The following SLC6A7 variants were observed in gnomAD, a reference collection of about 807,000 sequenced individuals.
The protein encoded by SLC6A7 is solute carrier family 6 member 7.
In SLC6A7, 58 loss-of-function variants were observed where a neutral mutation model predicts 73.1. That is an observed-to-expected ratio of 0.79 (90% confidence interval 0.64 to 0.99). The LOEUF (loss-of-function observed/expected upper bound fraction) is 0.99. Among genes scored for constraint, SLC6A7 ranks in the 50% least tolerant of loss-of-function variants. SLC6A7 has a pLI of 0.00. For missense variants in SLC6A7, 783 were observed against 831.4 expected (o/e 0.94, Z 0.72); for synonymous variants, 338 against 338.7 (o/e 1.00, Z 0.02).
Position 150,194,852 on chromosome 5 carries a change from A to G in SLC6A7, c.158A>G (p.Tyr53Cys). The change falls in exon 2 of 14, where the codon TAC (tyrosine) becomes TGC (cysteine). Residue 53 changes from tyrosine to cysteine, a missense_variant. Physicochemically the swap from Tyr to Cys is radical, Grantham distance 194. Transcript: ENST00000230671. Reference protein sequence around the residue: ...KLDFLLSCIGYCVGLGNVWRF... With the variant: ...KLDFLLSCIGCCVGLGNVWRF... The stretch of plus-strand genomic sequence containing the variant: ...GACTTCCTGCTGTCCTGCATTGGCT[A>G]CTGTGTAGGCCTGGGGAATGTCTGG... 1.2e-6 allele frequency: 2 copies of G among 1,614,148 alleles called. No individual in the cohort carries two copies. Among genetic ancestry groups the G allele is most frequent in the Non-Finnish European group, 1.7e-6 (2 of 1,180,006 alleles).
intron 13 of SLC6A7, among the ~76,000 whole-genome samples, chr5:150,207,464 ACTC>A (rs1380381961): frequency 6.6e-6 from 1 of 151,956 alleles, no homozygotes; most frequent in Non-Finnish European, 1.5e-5. Context: ...CTGGTCTTAA[ACTC>A]CTGGCCTCAA....
rs779129033 is a variant in SLC6A7, at chr5:150,209,590, C to A, written c.1886C>A (p.Ala629Glu). Residue 629 changes from alanine (A) to glutamate (E), a missense_variant, in exon 14 of 14, where the codon GCA becomes GAA. Ala to Glu is a moderately radical substitution (Grantham distance 107). Coordinates refer to ENST00000230671, the MANE Select transcript of SLC6A7 (RefSeq NM_014228.5). ...NTAIEVDREI[A>E]EEEESMM ...GCCATCGAGGTGGACCGTGAGATTG[C>A]AGAGGAGGAGGAGTCGATGATGTGA... 36 of 1,610,514 alleles carry A rather than the reference C, an allele frequency of 2.2e-5. No individual in the cohort carries two copies. The South Asian group carries it at 4.0e-4, about 18-fold the overall frequency.
At chr5:150,198,865 G>GT in intron 4 of SLC6A7, among the ~76,000 whole-genome samples, 1 of 105,706 alleles carries the variant, frequency 9.5e-6, no homozygotes, top group Admixed American at 9.2e-5. Flanking sequence ...TGTGTGTGTG[G>GT]TGTACACATG....
rs1562100329 is a variant in SLC6A7 at position 150,205,486 on chromosome 5, CAGCCCTCGG to C, written c.1567_1575del (p.Pro523_Glu525del). On this transcript the variant is annotated inframe_deletion, in exon 13 of 14. Transcript: ENST00000230671. ...CATGGTGTATAGCATCGTCAAGTAC[CAGCCCTCGG>C]AGTATGGCAGTTACCGCTTCCCGCC... The C allele has an allele frequency of 6.2e-7, 1 of 1,611,582 alleles. No individual in the cohort carries two copies. The highest frequency in any genetic ancestry group is 2.2e-5 in the East Asian group (1 of 44,858).
intron 13 of SLC6A7, among the ~76,000 whole-genome samples, chr5:150,207,774 C>A (rs1438290188): frequency 6.6e-6 from 1 of 152,112 alleles, no homozygotes; most frequent in Non-Finnish European, 1.5e-5. Context: ...AGTACTAATA[C>A]CCCTCTCATT....
intron 1 of SLC6A7, among the ~76,000 whole-genome samples, chr5:150,193,550 C>G (rs1251129384): frequency 1.3e-5 from 2 of 152,124 alleles, no homozygotes; most frequent in Non-Finnish European, 2.9e-5. Context: ...TGGCTTGTGA[C>G]TGAAAAGTAC....
chr5:150,190,721 G>A (rs988893685), intron 1 of SLC6A7, among the ~76,000 whole-genome samples: 2 of 152,200 alleles, frequency 1.3e-5, no homozygotes, highest in South Asian at 2.1e-4. Context: ...CCGGGTGTGG[G>A]GGGTATTGGA....
intron 4 of SLC6A7, among the ~76,000 whole-genome samples, chr5:150,198,027 A>T (rs1350345408): frequency 1.3e-5 from 2 of 150,962 alleles, no homozygotes; most frequent in Non-Finnish European, 2.9e-5. Flanking sequence ...TTGTCACTGC[A>T]TTCTGCCTTT....
At chr5:150,199,752 G>A (rs114557409) in intron 5 of SLC6A7, among the ~76,000 whole-genome samples, 4,074 of 152,248 alleles carry the variant, frequency 0.027, 208 homozygotes, top group African/African-American at 0.092. Context: ...AGTCCAGAGG[G>A]TGTGCTTCAG....
intron 13 of SLC6A7, among the ~76,000 whole-genome samples, chr5:150,206,867 A>T (rs1753726830): frequency 6.6e-6 from 1 of 152,166 alleles, no homozygotes; most frequent in Non-Finnish European, 1.5e-5. Flanking sequence ...AGCCACTAGG[A>T]GTGCTGGGCT....
At chr5:150,205,074 C>G in intron 12 of SLC6A7, 147 bp downstream of exon 12, 1 of 609,590 alleles carries the variant, frequency 1.6e-6, no homozygotes, top group Non-Finnish European at 2.9e-6. Context: ...ATCCCCTCCC[C>G]TGATGTTCCC....
intron 13 of SLC6A7, among the ~76,000 whole-genome samples, chr5:150,208,182 G>T (rs1460840859): frequency 1.3e-5 from 2 of 151,918 alleles, no homozygotes; most frequent in Non-Finnish European, 2.9e-5. Context: ...ATATGTAAAG[G>T]TAAGTTCTGC....
chr5:150,196,983 C>A lies in SLC6A7; in HGVS notation c.350-59C>A, dbSNP rs1021735191. The stretch of plus-strand genomic sequence containing the variant: ...ATAGCTGCCAGCTCCCCAGAAGCCA[C>A]TCCACCCGGCTGGCAGAGAGCTTGG... On this transcript the variant is annotated intron_variant, in intron 3 of 13. Transcript: ENST00000230671. The A allele has an allele frequency of 3.8e-6, 6 of 1,559,172 alleles. No homozygotes were observed. In the African/African-American group the frequency reaches 5.4e-5, roughly 14 times the overall value.
chr5:150,195,144 G>A (rs1752960642), intron 2 of SLC6A7: 1 of 483,090 alleles, frequency 2.1e-6, no homozygotes, highest in Non-Finnish European at 3.8e-6. Flanking sequence ...ATACCCACAT[G>A]GTTCCCTCTC....
chr5:150,209,660 TCC>T lies in SLC6A7; in HGVS notation c.*47_*48del, dbSNP rs1562108237. 1 of 1,452,838 alleles carries T rather than the reference TCC, an allele frequency of 6.9e-7. No homozygotes were observed. Among genetic ancestry groups the T allele is most frequent in the East Asian group, 2.5e-5 (1 of 40,772 alleles). The allele number at this position is 1,452,838 out of a possible 1,614,324, so 90.0% of individuals were successfully genotyped here. A position where few individuals can be genotyped will look rare whatever the true frequency, so the allele number is the denominator to read the frequency against. ...GAAGGCCCTGCCCGGGACCTCACAGTCCCTTCTTAGAAGCCTGCAAAGGTCAG... is the reference window on the plus strand; with the variant it reads ...GAAGGCCCTGCCCGGGACCTCACAGTCTTCTTAGAAGCCTGCAAAGGTCAG... On this transcript the variant is annotated 3_prime_UTR_variant, in exon 14 of 14. Transcript: ENST00000230671.
Position 150,201,243 on chromosome 5 carries a change from G to T in SLC6A7, c.858+20G>T. The T allele has an allele frequency of 6.3e-7, 1 of 1,589,054 alleles. No individual in the cohort carries two copies. On this transcript the variant is annotated intron_variant, in intron 6 of 13. Transcript: ENST00000230671. ...TCCAAGGTGAGCCCCTCAGGGCGGG[G>T]TGCAGAGGGAGGGGCCAGGCCTGAG...
At chr5:150,194,672 A>G in intron 1 of SLC6A7, 56 bp from the exon 2 acceptor site, 6 of 1,364,890 alleles carry the variant, frequency 4.4e-6, no homozygotes, top group Non-Finnish European at 6.2e-6. Flanking sequence ...TTGAGGTCAC[A>G]TTTCTGGCCT....
Position 150,201,077 on chromosome 5 carries a change from A to G in SLC6A7, c.724-12A>G. 6.2e-7 allele frequency: 1 copy of G among 1,613,040 alleles called. No homozygotes were observed. The highest frequency in any genetic ancestry group is 8.5e-7 in the Non-Finnish European group (1 of 1,179,394). On this transcript the variant is annotated splice_polypyrimidine_tract_variant and intron_variant, in intron 5 of 13. Transcript: ENST00000230671. ...CCCCGATGCCATCAGCTCCTCACTTATCATCTCTCAGGTGGTGTATTTCAC... is the reference window on the plus strand; with the variant it reads ...CCCCGATGCCATCAGCTCCTCACTTGTCATCTCTCAGGTGGTGTATTTCAC...
At chr5:150,194,703 C>A (rs1438932056) in intron 1 of SLC6A7, 25 bp from the exon 2 acceptor site, 3 of 1,603,132 alleles carry the variant, frequency 1.9e-6, no homozygotes, top group East Asian at 2.2e-5. Flanking sequence ...TTCTCCCCAA[C>A]CTCTTTGGTC....
Sources: allele counts gnomAD v4.1 joint callset (sites outside exome capture counted in the v4.1 genomes callset), GRCh38; gene constraint gnomAD v4.1.1; transcripts MANE v1.5; gene names NCBI Gene and HGNC (gene_info 2026-07-23, HGNC 2026-07-21).